The following CLCA2 variants were observed in gnomAD, a reference collection of about 807,000 sequenced individuals.
CLCA2 encodes the protein calcium-activated chloride channel regulator 2.
In CLCA2, 85 loss-of-function variants were observed where a neutral mutation model predicts 82.9. The ratio of observed to expected loss-of-function variants is 1.03; its 90% CI spans 0.86 to 1.23. The LOEUF is 1.23. Among genes scored for constraint, CLCA2 ranks in the 50% most tolerant of loss-of-function variants. The pLI is 0.00. For missense variants in CLCA2, 1,089 were observed against 1,124.8 expected (o/e 0.97, Z 0.45); for synonymous variants, 421 against 391.7 (o/e 1.07, Z -0.88).
intron 9 of CLCA2, among the ~76,000 whole-genome samples, chr1:86,442,188 C>A (rs546573831): frequency 4.6e-5 from 7 of 152,258 alleles, no homozygotes; most frequent in African/African-American, 1.7e-4. Flanking sequence ...TTGATGTGAC[C>A]AATGCAGCCT....
At chr1:86,437,729 A>T (rs954377608) in intron 6 of CLCA2, among the ~76,000 whole-genome samples, 1 of 152,126 alleles carries the variant, frequency 6.6e-6, no homozygotes, top group Non-Finnish European at 1.5e-5. Context: ...GTTCAAGAAT[A>T]TGGAGGCTGG....
At chr1:86,452,461 C>T (rs1220626564) in intron 12 of CLCA2, among the ~76,000 whole-genome samples, 1 of 152,144 alleles carries the variant, frequency 6.6e-6, no homozygotes, top group Non-Finnish European at 1.5e-5. Context: ...TTGTCACTTC[C>T]CTTCTTCCCT....
chr1:86,455,473 T>C lies in CLCA2; in HGVS notation c.2778T>C (p.Thr926=), dbSNP rs1297852231. The change falls in exon 14 of 14, where the codon ACT becomes ACC. Residue 926 remains threonine, a synonymous_variant. Transcript: ENST00000370565. ...TTATTATAGTTGTGACACATCATAC[T>C]TTAAGCAGGAAAAAGAGAGCAGACA... ...ICLIIVVTHH[T]LSRKKRADKK... is the part of the protein sequence containing the mutation. 3 of 1,522,994 alleles carry C rather than the reference T, an allele frequency of 2.0e-6. No individual in the cohort carries two copies. Among genetic ancestry groups the C allele is most frequent in the Non-Finnish European group, 2.6e-6 (3 of 1,138,768 alleles). The allele number at this position is 1,522,994 out of a possible 1,614,324, so 94.3% of individuals were successfully genotyped here.
At chr1:86,444,176 G>T (rs963368870) in intron 10 of CLCA2, among the ~76,000 whole-genome samples, 165 bp downstream of exon 10, 1 of 152,042 alleles carries the variant, frequency 6.6e-6, no homozygotes, top group African/African-American at 2.4e-5. Context: ...AATTTAAGAG[G>T]AATAACTAAG....
intron 3 of CLCA2, 132 bp downstream of exon 3, chr1:86,428,700 C>T (rs1662438364): frequency 2.1e-6 from 2 of 940,516 alleles, no homozygotes; most frequent in South Asian, 3.7e-5. Flanking sequence ...GGAGATAGGT[C>T]ATATGCCCAT....
chr1:86,445,526 A>T (rs946458611), intron 10 of CLCA2: 1 of 151,942 alleles, frequency 6.6e-6, no homozygotes, highest in African/African-American at 2.4e-5. Flanking sequence ...CATTAATATC[A>T]CCATGGACTT....
At chr1:86,440,488 T>A (rs1662706712) in intron 8 of CLCA2, among the ~76,000 whole-genome samples, 163 bp downstream of exon 8, 1 of 152,218 alleles carries the variant, frequency 6.6e-6, no homozygotes, top group South Asian at 2.1e-4. Context: ...TTGCTGATTT[T>A]TTTTTTACAT....
chr1:86,425,662 T>TA (rs1370747235), intron 2 of CLCA2, among the ~76,000 whole-genome samples, 186 bp downstream of exon 2: 1 of 152,162 alleles, frequency 6.6e-6, no homozygotes, highest in Non-Finnish European at 1.5e-5. Context: ...AATTGTGCAG[T>TA]AAAAAATGAG....
intron 9 of CLCA2, among the ~76,000 whole-genome samples, chr1:86,442,221 T>A (rs1241359729): frequency 2.0e-5 from 3 of 152,170 alleles, no homozygotes; most frequent in Non-Finnish European, 2.9e-5. Flanking sequence ...AACGTGAAGA[T>A]TATATTTACA....
chr1:86,437,083 T>C (rs1445893021), intron 6 of CLCA2, among the ~76,000 whole-genome samples: 2 of 152,184 alleles, frequency 1.3e-5, no homozygotes, highest in African/African-American at 2.4e-5. Context: ...GCAAGAATGA[T>C]GGAATGAAGA....
chr1:86,446,554 C>CA (rs1201702929), intron 10 of CLCA2, among the ~76,000 whole-genome samples: 1 of 151,992 alleles, frequency 6.6e-6, no homozygotes, highest in African/African-American at 2.4e-5. Context: ...ATTCAAAAAA[C>CA]AAAAACAAAA....
chr1:86,440,318 T>C lies in CLCA2; in HGVS notation c.1374T>C (p.Arg458=), dbSNP rs1334360532. 6.2e-7 allele frequency: 1 copy of C among 1,613,230 alleles called. No homozygotes were observed. The highest frequency in any genetic ancestry group is 8.5e-7 in the Non-Finnish European group (1 of 1,179,782). Reference sequence around the variant, plus strand: ...CCCCAAATCTGGAGGAATTATCACGTCTTACAGGTAATAAACTTTTAAAAA... The same window carrying C: ...CCCCAAATCTGGAGGAATTATCACGCCTTACAGGTAATAAACTTTTAAAAA... ...SAAPNLEELS[R]LTGGLKFFVP... is the part of the protein sequence containing the mutation. The change falls in exon 8 of 14, where the codon CGT becomes CGC. Residue 458 remains arginine (R), a synonymous_variant. Transcript: ENST00000370565.
In CLCA2 at chr1:86,441,693, A is replaced by G. The variant is rs549739374; in HGVS notation, c.1488+150A>G. 1.4e-3 allele frequency: 772 copies of G among 544,714 alleles called. 9 individuals carry two copies. Among genetic ancestry groups the G allele is most frequent in the South Asian group, 0.012 (470 of 37,610 alleles). 33.7% of individuals were successfully genotyped at this position (544,714 alleles called of 1,614,324 possible). A position where few individuals can be genotyped will look rare whatever the true frequency, so the allele number is the denominator to read the frequency against. On this transcript the variant is annotated intron_variant, in intron 9 of 13. Transcript: ENST00000370565. The stretch of plus-strand genomic sequence containing the variant: ...GAAGGCTTTTAAAAGGCTGCTTGGC[A>G]TCACCAGAGCCAGGCTTTCAGCCCT...
chr1:86,451,022 T>G (rs1662952286), intron 12 of CLCA2, among the ~76,000 whole-genome samples: 1 of 152,200 alleles, frequency 6.6e-6, no homozygotes, highest in Non-Finnish European at 1.5e-5. Context: ...TAAAGAGATT[T>G]ACTGGGTTTT....
chr1:86,425,513 G>A (rs1558098885), intron 2 of CLCA2, 37 bp downstream of exon 2: 3 of 1,441,028 alleles, frequency 2.1e-6, no homozygotes, highest in East Asian at 2.5e-5. Context: ...ATCTCAAGGG[G>A]AAAAAAAACA....
intron 12 of CLCA2, among the ~76,000 whole-genome samples, chr1:86,451,817 G>A (rs2791521): frequency 0.57 from 86,238 of 151,928 alleles, 24,712 homozygotes; most frequent in South Asian, 0.68. Flanking sequence ...TACCCTCTTC[G>A]TAGCCTTGTT....
chr1:86,426,117 T>A (rs1305865846), intron 2 of CLCA2, among the ~76,000 whole-genome samples: 1 of 152,120 alleles, frequency 6.6e-6, no homozygotes, highest in African/African-American at 2.4e-5. Flanking sequence ...CCCATGATGA[T>A]GTCTGGTACA....
intron 8 of CLCA2, among the ~76,000 whole-genome samples, chr1:86,440,818 T>C (rs1237894223): frequency 6.6e-6 from 1 of 152,034 alleles, no homozygotes; most frequent in Admixed American, 6.6e-5. Context: ...GGAGAATCAC[T>C]AGAACTCAGG....
chr1:86,448,464 G>A (rs1210235970), intron 11 of CLCA2: 1 of 152,212 alleles, frequency 6.6e-6, no homozygotes, highest in Non-Finnish European at 1.5e-5. Flanking sequence ...ATAGCATCCA[G>A]CCAGGTAAAC....
Sources: allele counts gnomAD v4.1 joint callset (sites outside exome capture counted in the v4.1 genomes callset), GRCh38; gene constraint gnomAD v4.1.1; transcripts MANE v1.5; gene names NCBI Gene and HGNC (gene_info 2026-07-23, HGNC 2026-07-21).